Variants in GATA3 observed in about 807,000 individuals in gnomAD.
GATA3 encodes the protein trans-acting T-cell-specific transcription factor GATA-3.
GATA3 carries 6 observed loss-of-function variants against 36.0 expected under a neutral mutation model. That is an observed-to-expected ratio of 0.17 (90% CI 0.09 to 0.33). The LOEUF is 0.33. Among genes scored for constraint, GATA3 ranks in the 10% least tolerant of loss-of-function variants. GATA3 has a pLI of 1.00. For missense variants in GATA3, 514 were observed against 610.1 expected (o/e 0.84, Z 1.66); for synonymous variants, 326 against 273.0 (o/e 1.19, Z -1.92).
intron 5 of GATA3, 55 bp from the exon 6 acceptor site, chr10:8,073,684 A>G (rs1374464530): frequency 1.0e-5 from 16 of 1,537,710 alleles, no homozygotes; most frequent in Non-Finnish European, 1.4e-5. Context: ...GAGCCTGTGC[A>G]TTTCAGAGGC....
chr10:8,060,696 C>T (rs996605955), intron 3 of GATA3, among the ~76,000 whole-genome samples: 3 of 152,064 alleles, frequency 2.0e-5, no homozygotes, highest in African/African-American at 7.2e-5. Flanking sequence ...ATTTCTCCCC[C>T]TCTTGTGCAC....
At position 8,068,974 on chromosome 10, in the gene GATA3, C is replaced by T. The variant is rs542380012; in HGVS notation, c.925-499C>T. On this transcript the variant is annotated intron_variant, in intron 4 of 5. Coordinates refer to ENST00000379328, the MANE Select transcript of GATA3 (RefSeq NM_001002295.2). ...AGAGTGTTTTTGGTGCTTGGCTTTGCGCCTCCTTTGCTGTGAATGCATCCT... is the reference window on the plus strand; with the variant it reads ...AGAGTGTTTTTGGTGCTTGGCTTTGTGCCTCCTTTGCTGTGAATGCATCCT... Among the ~76,000 whole-genome samples, 9 of 152,316 alleles carry T rather than the reference C, an allele frequency of 5.9e-5. No homozygotes were observed. The East Asian group carries it at 7.7e-4, about 13-fold the overall frequency.
In GATA3 at chr10:8,075,039, G is replaced by A. The variant is rs1233189590; in HGVS notation, c.*1016G>A. 4.3e-6 allele frequency: 1 copy of A among 233,190 alleles called. No homozygotes were observed. Among genetic ancestry groups the A allele is most frequent in the Non-Finnish European group, 8.5e-6 (1 of 118,032 alleles). 14.4% of individuals were successfully genotyped at this position (233,190 alleles called of 1,614,324 possible). A position where few individuals can be genotyped will look rare whatever the true frequency, so the allele number is the denominator to read the frequency against. ...GAGGGTAGCAGTGTATGAGCTACCA[G>A]CGTGCATGTCAGCGACCCTGGCCCG... On this transcript the variant is annotated 3_prime_UTR_variant, in exon 6 of 6. Coordinates refer to ENST00000379328, the MANE Select transcript of GATA3 (RefSeq NM_001002295.2).
chr10:8,063,958 T>C (rs1372272580), intron 3 of GATA3, 35 bp from the exon 4 acceptor site: 4 of 1,614,106 alleles, frequency 2.5e-6, no homozygotes, highest in South Asian at 2.2e-5. Context: ...CGTGTTTTCC[T>C]TCCCTAAGTG....
At chr10:8,070,158 T>G (rs895775935) in intron 5 of GATA3, among the ~76,000 whole-genome samples, 1 of 152,216 alleles carries the variant, frequency 6.6e-6, no homozygotes, top group African/African-American at 2.4e-5. Context: ...CTGATGTCTT[T>G]GTCCGAACCA....
chr10:8,051,138 CTTCG>C, upstream of GATA3: 1 of 458,160 alleles, frequency 2.2e-6, no homozygotes, highest in South Asian at 1.6e-5. Context: ...GACAGGGTCT[CTTCG>C]CCCCTGGGAG....
At chr10:8,070,602 G>A (rs1832915910) in intron 5 of GATA3, among the ~76,000 whole-genome samples, 1 of 152,118 alleles carries the variant, frequency 6.6e-6, no homozygotes, top group Admixed American at 6.5e-5. Flanking sequence ...AGGGACTTTT[G>A]CTTGCGGCGG....
chr10:8,053,505 G>A (rs1397669054), upstream of GATA3: 1 of 152,238 alleles, frequency 6.6e-6, no homozygotes, highest in Non-Finnish European at 1.5e-5. The surrounding 1 kb of genome is among the most constrained non-coding windows in gnomAD (Gnocchi z 5.1). Context: ...GGCGGTGCAG[G>A]TTGGAACCCG....
intron 5 of GATA3, among the ~76,000 whole-genome samples, chr10:8,070,489 T>A (rs917053441): frequency 8.5e-5 from 13 of 152,168 alleles, no homozygotes; most frequent in Admixed American, 3.3e-4. Context: ...GGTCTTTCTC[T>A]GTGTTGCTCT....
intron 1 of GATA3, among the ~76,000 whole-genome samples, chr10:8,048,516 C>T (rs1319200260): frequency 5.9e-5 from 9 of 152,202 alleles, no homozygotes; most frequent in Non-Finnish European, 4.4e-5. Flanking sequence ...GTCACTGATG[C>T]CACTGGGGGC....
chr10:8,062,361 ATTTT>A (rs55716625), intron 3 of GATA3, among the ~76,000 whole-genome samples: 1 of 142,850 alleles, frequency 7.0e-6, no homozygotes, highest in African/African-American at 2.6e-5. Context: ...TTACATCCTC[ATTTT>A]TTTTTTTTTT....
At chr10:8,057,414 T>C (rs1476769691) in intron 2 of GATA3, among the ~76,000 whole-genome samples, 1 of 152,210 alleles carries the variant, frequency 6.6e-6, no homozygotes, top group African/African-American at 2.4e-5. Flanking sequence ...CTGAGTCATC[T>C]TTCATTTAAA....
intron 1 of GATA3, among the ~76,000 whole-genome samples, chr10:8,045,799 G>T (rs886328318): frequency 1.1e-4 from 16 of 152,298 alleles, no homozygotes; most frequent in Middle Eastern, 3.4e-3. Flanking sequence ...ATGAGAGCCC[G>T]TGGGAATGCT....
At chr10:8,066,510 C>A (rs936850149) in intron 4 of GATA3, among the ~76,000 whole-genome samples, 3 of 150,214 alleles carry the variant, frequency 2.0e-5, no homozygotes, top group African/African-American at 4.9e-5. Flanking sequence ...CCTTTGTTTT[C>A]TTCTTTCCTG....
intron 5 of GATA3, among the ~76,000 whole-genome samples, chr10:8,072,479 C>T (rs1038043678): frequency 1.3e-5 from 2 of 152,224 alleles, no homozygotes; most frequent in Non-Finnish European, 2.9e-5. Flanking sequence ...TGGGGTTAAT[C>T]TGCTTCTGCC....
chr10:8,066,766 AT>A (rs926749399), intron 4 of GATA3, among the ~76,000 whole-genome samples: 1 of 152,160 alleles, frequency 6.6e-6, no homozygotes, highest in African/African-American at 2.4e-5. Context: ...GCTTGCTTTA[AT>A]ATACTGTACC....
At position 8,058,505 on chromosome 10, in the gene GATA3, C is replaced by T. The variant is rs1351973672; in HGVS notation, c.442C>T (p.Pro148Ser). The T allele has an allele frequency of 6.2e-7, 1 of 1,612,374 alleles. No individual in the cohort carries two copies. The highest frequency in any genetic ancestry group is 8.5e-7 in the Non-Finnish European group (1 of 1,179,754). Residue 148 changes from proline (P) to serine (S), a missense_variant, in exon 3 of 6, where the codon CCG (proline) becomes TCG (serine). By Grantham distance (74) the Pro-to-Ser change is moderately conservative. This residue lies in a region of GATA3 where 381 missense variants were observed against 354.3 expected (regional missense o/e 1.08). Coordinates refer to ENST00000379328, the MANE Select transcript of GATA3 (RefSeq NM_001002295.2). ...SSSLSGGHASPHLFTFPPTPP... is the reference protein window; with the variant it reads ...SSSLSGGHASSHLFTFPPTPP... ...CTCCTTGTCGGGGGGCCACGCCAGC[C>T]CGCACCTCTTCACCTTCCCGCCCAC...
chr10:8,047,554 G>C (rs1042776967), intron 1 of GATA3, among the ~76,000 whole-genome samples: 6 of 152,188 alleles, frequency 3.9e-5, no homozygotes, highest in Admixed American at 1.3e-4. Context: ...GCCTCCAAGG[G>C]AGCAAACTGA....
At chr10:8,069,156 G>A (rs1433636907) in intron 4 of GATA3, among the ~76,000 whole-genome samples, 2 of 152,144 alleles carry the variant, frequency 1.3e-5, no homozygotes, top group Non-Finnish European at 2.9e-5. Flanking sequence ...TAACCCTCTG[G>A]TGTACTTTGT....
Sources: gnomAD v4.1 joint callset for allele counts (sites outside exome capture counted in the v4.1 genomes callset) on GRCh38, gnomAD v4.1.1 for gene constraint, gnomAD v4.1.1 regional missense constraint, Gnocchi (gnomAD v3.1) non-coding constraint, MANE v1.5 for transcripts, NCBI Gene and HGNC (gene_info 2026-07-23, HGNC 2026-07-21) for gene names.